Variants in ANGEL2 observed in about 807,000 individuals in gnomAD.
ANGEL2 encodes RNA 2',3'-cyclic phosphatase ANGEL2.
A neutral mutation model predicts 66.0 loss-of-function variants in ANGEL2; 41 were observed. That is an observed-to-expected ratio of 0.62 (90% CI 0.48 to 0.81). The LOEUF (loss-of-function observed/expected upper bound fraction) is 0.81, where lower values mean the gene tolerates loss of function less well. Ranked by LOEUF, ANGEL2 falls within the 30% of genes least tolerant of loss-of-function variation. The probability of loss-of-function intolerance (pLI) is 0.00; values close to 1 mark genes in which losing one functional copy is unlikely to be tolerated. For synonymous variants in ANGEL2, 208 were observed against 226.5 expected (o/e 0.92, Z 0.73); for missense variants, 561 against 641.6 (o/e 0.87, Z 1.36).
At chr1:212,996,871 G>A (rs2076039159) in intron 8 of ANGEL2, among the ~76,000 whole-genome samples, 1 of 151,702 alleles carries the variant, frequency 6.6e-6, no homozygotes, top group Non-Finnish European at 1.5e-5. Context: ...AAAAGAAAGG[G>A]CAATATGAAA....
chr1:213,009,195 A>G (rs539509663), intron 2 of ANGEL2, among the ~76,000 whole-genome samples: 1 of 152,362 alleles, frequency 6.6e-6, no homozygotes, highest in South Asian at 2.1e-4. Context: ...CATTCTGCAA[A>G]AGTGATGAAA....
At chr1:212,999,292 G>A (rs59892045) in intron 7 of ANGEL2, among the ~76,000 whole-genome samples, 5,455 of 152,240 alleles carry the variant, frequency 0.036, 142 homozygotes, top group Middle Eastern at 0.054. Flanking sequence ...GAGATTATAG[G>A]CGTGAGCCAA....
rs1275866946 is a variant in ANGEL2, at chr1:213,005,138, G to A, written c.1029C>T (p.Phe343=). The part of the protein sequence containing the change: ...SSVAHQKDGS[F]CPIVMCGDFN... The stretch of plus-strand genomic sequence containing the variant: ...AGTCACCACACATAACAATAGGGCA[G>A]AAGCTGCCATCTTTCTGGTGGGCAA... The change falls in exon 5 of 9, where the codon TTC becomes TTT. Residue 343 remains phenylalanine (F), a synonymous_variant. Coordinates refer to ENST00000366962, the MANE Select transcript of ANGEL2 (RefSeq NM_144567.5). 1.2e-6 allele frequency: 2 copies of A among 1,614,176 alleles called. No individual in the cohort carries two copies. The highest frequency in any genetic ancestry group is 2.2e-5 in the South Asian group (2 of 91,082).
At chr1:213,000,655 A>C (rs981953847) in intron 6 of ANGEL2, 131 bp downstream of exon 6, 10 of 1,073,810 alleles carry the variant, frequency 9.3e-6, no homozygotes, top group Non-Finnish European at 1.3e-5. Flanking sequence ...TAAGAAAAAA[A>C]ATGAATAACT....
At chr1:212,997,393 T>C (rs933640494) in intron 7 of ANGEL2, 75 bp from the exon 8 acceptor site, 5 of 1,313,026 alleles carry the variant, frequency 3.8e-6, no homozygotes, top group Non-Finnish European at 4.2e-6. Flanking sequence ...GAATTTCTTT[T>C]TCACTTAATT....
chr1:213,003,941 TG>T (rs1334616754), intron 5 of ANGEL2, among the ~76,000 whole-genome samples: 26 of 152,344 alleles, frequency 1.7e-4, no homozygotes, highest in African/African-American at 6.0e-4. Context: ...GGCTCACGCC[TG>T]TAATCCCAGC....
rs1001066005 is a variant in ANGEL2, at chr1:212,992,988, G to C, written c.*2053C>G. The C allele has an allele frequency of 6.6e-6, 1 of 152,090 alleles. No homozygotes were observed. The highest frequency in any genetic ancestry group is 1.5e-5 in the Non-Finnish European group (1 of 68,010). The allele number at this position is 152,090 out of a possible 1,614,324, so 9.4% of individuals were successfully genotyped here. On this transcript the variant is annotated 3_prime_UTR_variant, in exon 9 of 9. Transcript: ENST00000366962. ...CTACTATAAAATGTGGGAAATCCTA[G>C]AACTATAATTAATACTGTAATTAAA...
chr1:213,011,364 G>A, intron 2 of ANGEL2: 2 of 1,168,300 alleles, frequency 1.7e-6, no homozygotes, highest in Non-Finnish European at 2.1e-6. Flanking sequence ...TGATAGGCAA[G>A]TTAGCAATGC....
At chr1:213,008,060 C>T in intron 3 of ANGEL2, 150 bp downstream of exon 3, 1 of 805,350 alleles carries the variant, frequency 1.2e-6, no homozygotes, top group South Asian at 1.9e-5. Flanking sequence ...GACGGGGTTT[C>T]TCCATGTTGG....
In ANGEL2 at chr1:213,015,626, C is replaced by CCACACAGTGGCCGTAGCCCTTCCT. The variant is rs756177144; in HGVS notation, c.22_45dup (p.Arg8_Val15dup). ...AGCCCTACTGACCGGCCTCTTCCCA[C>CCACACAGTGGCCGTAGCCCTTCCT]CACACAGTGGCCGTAGCCCTTCCTC... On this transcript the variant is annotated inframe_insertion, in exon 1 of 9. Transcript: ENST00000366962. 5 of 1,614,130 alleles carry CCACACAGTGGCCGTAGCCCTTCCT rather than the reference C, an allele frequency of 3.1e-6. No homozygotes were observed. Among genetic ancestry groups the CCACACAGTGGCCGTAGCCCTTCCT allele is most frequent in the Non-Finnish European group, 4.2e-6 (5 of 1,180,020 alleles).
rs1558181604 is a variant in ANGEL2, at chr1:213,005,276, T to C, written c.891A>G (p.Pro297=). ...CGCAGATTGCAGGGCAGGCAGCATATGGAATTTTGGGCTGTAAGAGTAAAA... is the reference window on the plus strand; with the variant it reads ...CGCAGATTGCAGGGCAGGCAGCATACGGAATTTTGGGCTGTAAGAGTAAAA... ...GLVLLLQPKI[P]YAACPAICVA... is the part of the protein sequence containing the mutation. Residue 297 remains proline, a synonymous_variant, in exon 5 of 9, where the codon CCA becomes CCG. Coordinates refer to ENST00000366962, the MANE Select transcript of ANGEL2 (RefSeq NM_144567.5). The C allele has an allele frequency of 1.9e-6, 3 of 1,614,222 alleles. No individual in the cohort carries two copies. Among genetic ancestry groups the C allele is most frequent in the Non-Finnish European group, 1.7e-6 (2 of 1,180,042 alleles).
At chr1:213,004,382 TATA>T (rs2076259569) in intron 5 of ANGEL2, among the ~76,000 whole-genome samples, 1 of 152,124 alleles carries the variant, frequency 6.6e-6, no homozygotes, top group Non-Finnish European at 1.5e-5. Flanking sequence ...CGGAAACTTG[TATA>T]ATAAATGTTA....
intron 4 of ANGEL2, 49 bp downstream of exon 4, chr1:213,007,080 G>C: frequency 2.6e-6 from 4 of 1,511,752 alleles, no homozygotes; most frequent in Non-Finnish European, 3.6e-6. Flanking sequence ...GCGACAGAGT[G>C]AGACCCTGTC....
At chr1:213,015,363 C>G in intron 1 of ANGEL2, 1 of 1,405,968 alleles carries the variant, frequency 7.1e-7, no homozygotes, top group Non-Finnish European at 9.2e-7. Context: ...CAAGCCTGGC[C>G]GGCGGCCCAT....
chr1:213,007,197 A>C lies in ANGEL2; in HGVS notation c.644T>G (p.Val215Gly), dbSNP rs1461182991. 1 of 1,558,580 alleles carries C rather than the reference A, an allele frequency of 6.4e-7. No individual in the cohort carries two copies. Among genetic ancestry groups the C allele is most frequent in the South Asian group, 1.2e-5 (1 of 81,306 alleles). The change falls in exon 4 of 9, where the codon GTA (valine) becomes GGA (glycine). Residue 215 changes from valine to glycine, a missense_variant and splice_region_variant. Physicochemically the swap from Val to Gly is moderately radical, Grantham distance 109 (BLOSUM62 -3). Coordinates refer to ENST00000366962, the MANE Select transcript of ANGEL2 (RefSeq NM_144567.5). ...TTCTTGAACTTCTTGCAAACAAAGT[A>C]CCTTGGAAGAAAAAAATAGCTTGAA... ...LKEIKHFDAD[V>G]LCLQEVQEDH...
In ANGEL2 at chr1:212,995,487, A is replaced by G. The variant is rs188728198; in HGVS notation, c.1484-295T>C. Among the ~76,000 whole-genome samples, 9 of 152,354 alleles carry G rather than the reference A, an allele frequency of 5.9e-5. 1 individual carries two copies. The highest frequency in any genetic ancestry group is 1.7e-4 in the African/African-American group (7 of 41,584). ...AGGGTAATTTGTGGTTGACAACTAC[A>G]TAAGAAACTCATCCAGCAACCATTC... On this transcript the variant is annotated intron_variant, in intron 8 of 8. Coordinates refer to ENST00000366962, the MANE Select transcript of ANGEL2 (RefSeq NM_144567.5).
At chr1:213,001,757 T>C (rs538424168) in intron 5 of ANGEL2, 23 of 152,430 alleles carry the variant, frequency 1.5e-4, no homozygotes, top group African/African-American at 5.3e-4. Flanking sequence ...ATTTCAGCAA[T>C]GTTCACAGCA....
chr1:213,004,382 T>C (rs1429376945), intron 5 of ANGEL2, among the ~76,000 whole-genome samples: 3 of 152,124 alleles, frequency 2.0e-5, no homozygotes, highest in Non-Finnish European at 2.9e-5. Flanking sequence ...CGGAAACTTG[T>C]ATAATAAATG....
Position 213,015,663 on chromosome 1 carries a change from G to C in ANGEL2, c.9C>G (p.Ala3=). The change falls in exon 1 of 9, where the codon GCC becomes GCG. Residue 3 remains alanine (A), a synonymous_variant. Coordinates refer to ENST00000366962, the MANE Select transcript of ANGEL2 (RefSeq NM_144567.5). ...CGTAGCCCTTCCTCACACAGCGCCA[G>C]GCTTCCATCTTCGCCCTCCGCGTGC... ME[A]WRCVRKGYGH... is the part of the protein sequence containing the mutation. The C allele has an allele frequency of 6.2e-7, 1 of 1,614,130 alleles. No individual in the cohort carries two copies. The highest frequency in any genetic ancestry group is 8.5e-7 in the Non-Finnish European group (1 of 1,180,040).
Sources: allele counts gnomAD v4.1 joint callset (sites outside exome capture counted in the v4.1 genomes callset), GRCh38; gene constraint gnomAD v4.1.1; transcripts MANE v1.5; gene names NCBI Gene and HGNC (gene_info 2026-07-23, HGNC 2026-07-21).